Variants in RTN1 observed in about 807,000 individuals in gnomAD.
The protein encoded by RTN1 is reticulon 1.
RTN1 carries 25 observed loss-of-function variants against 65.5 expected under a neutral mutation model. The observed-to-expected ratio is 0.38, with a 90% CI of 0.28 to 0.53. RTN1 has a LOEUF of 0.53. RTN1 is among the 20% of genes least tolerant of loss of function. RTN1 has a pLI of 0.79. For synonymous variants in RTN1, 471 were observed against 447.6 expected (o/e 1.05, Z -0.66); for missense variants, 983 against 1,025.4 (o/e 0.96, Z 0.57).
chr14:59,839,098 T>C (rs1321189603), intron 1 of RTN1, among the ~76,000 whole-genome samples: 2 of 152,230 alleles, frequency 1.3e-5, no homozygotes, highest in Non-Finnish European at 2.9e-5. Context: ...GTTGAAATTC[T>C]TCATTATGAA....
chr14:59,616,488 A>G (rs1163544883), intron 3 of RTN1, among the ~76,000 whole-genome samples: 1 of 152,194 alleles, frequency 6.6e-6, no homozygotes, highest in East Asian at 1.9e-4. Context: ...AATGTTTCAA[A>G]TAGAAGACTA....
In RTN1 at chr14:59,790,581, C is replaced by G. The variant is rs561810242; in HGVS notation, c.242-44100G>C. Among the ~76,000 whole-genome samples the G allele has an allele frequency of 2.0e-4, 31 of 152,224 alleles. No individual in the cohort carries two copies. Among genetic ancestry groups the G allele is most frequent in the African/African-American group, 7.2e-4 (30 of 41,548 alleles). Reference sequence around the variant, plus strand: ...GTGAAAGATGCCTGAAGAATTCATTCTCTGGCGTCAAAGCTTAACCAGAGA... The same window carrying G: ...GTGAAAGATGCCTGAAGAATTCATTGTCTGGCGTCAAAGCTTAACCAGAGA... On this transcript the variant is annotated intron_variant, in intron 1 of 8. Transcript: ENST00000267484. This position sits in a 1 kb window ranked among gnomAD's most constrained non-coding sequence, Gnocchi z 4.1.
At chr14:59,663,292 AG>A (rs764164844) in intron 3 of RTN1, among the ~76,000 whole-genome samples, 1 of 152,196 alleles carries the variant, frequency 6.6e-6, no homozygotes, top group Non-Finnish European at 1.5e-5. Context: ...CTTAAATGTA[AG>A]ACCTAAAACC....
intron 3 of RTN1, among the ~76,000 whole-genome samples, chr14:59,619,929 C>T (rs889704044): frequency 2.0e-5 from 3 of 151,988 alleles, no homozygotes; most frequent in African/African-American, 7.2e-5. Flanking sequence ...GGGACGGAAG[C>T]CTTATCGTAA....
chr14:59,822,844 T>C lies in RTN1; in HGVS notation c.241+47546A>G, dbSNP rs542148231. Among the ~76,000 whole-genome samples, 53 of 152,242 alleles carry C rather than the reference T, an allele frequency of 3.5e-4. 1 individual carries two copies. The South Asian group carries it at 0.011, about 32-fold the overall frequency. ...GATCTTGGTATTTCTATTTTTATTC[T>C]GCTGTGGTCCAAGAGTATGGTTGGT... is the stretch of plus-strand genomic sequence containing the variant. On this transcript the variant is annotated intron_variant, in intron 1 of 8. Transcript: ENST00000267484.
At chr14:59,681,073 T>C (rs1434985910) in intron 3 of RTN1, among the ~76,000 whole-genome samples, 1 of 152,088 alleles carries the variant, frequency 6.6e-6, no homozygotes, top group Non-Finnish European at 1.5e-5. Flanking sequence ...TAATAGTATG[T>C]GTGTGTCTAT....
Position 59,790,026 on chromosome 14 carries a change from C to T in RTN1, c.242-43545G>A, listed in dbSNP as rs1190125502. Among the ~76,000 whole-genome samples, 2 of 151,770 alleles carry T rather than the reference C, an allele frequency of 1.3e-5. No individual in the cohort carries two copies. Among genetic ancestry groups the T allele is most frequent in the South Asian group, 2.1e-4 (1 of 4,806 alleles). ...TCGAATGAGATAAAAAAGGGAAATGCCCGAGCTAAAGCAATGAATCAAGGG... is the reference window on the plus strand; with the variant it reads ...TCGAATGAGATAAAAAAGGGAAATGTCCGAGCTAAAGCAATGAATCAAGGG... On this transcript the variant is annotated intron_variant, in intron 1 of 8. Coordinates refer to ENST00000267484, the MANE Select transcript of RTN1 (RefSeq NM_021136.3). This position sits in a 1 kb window ranked among gnomAD's most constrained non-coding sequence, Gnocchi z 4.1.
intron 3 of RTN1, chr14:59,607,739 C>T (rs1444831749): frequency 3.9e-6 from 2 of 510,612 alleles, no homozygotes; most frequent in Non-Finnish European, 7.1e-6. Context: ...ATTGAATCTC[C>T]ATTGACCATA....
At position 59,603,204 on chromosome 14, in the gene RTN1, G is replaced by A; in HGVS notation, c.2229+8C>T. ...CAATGCCATTTTTTGACATCACATA[G>A]AACTTACCTGGTGCTTAACATACAC... On this transcript the variant is annotated splice_region_variant and intron_variant, in intron 7 of 8. Transcript: ENST00000267484. 1 of 1,612,996 alleles carries A rather than the reference G, an allele frequency of 6.2e-7. No individual in the cohort carries two copies. Among genetic ancestry groups the A allele is most frequent in the Non-Finnish European group, 8.5e-7 (1 of 1,179,504 alleles).
At chr14:59,704,389 T>C (rs1884244312) in intron 3 of RTN1, among the ~76,000 whole-genome samples, 1 of 152,208 alleles carries the variant, frequency 6.6e-6, no homozygotes, top group Non-Finnish European at 1.5e-5. Flanking sequence ...AACTTCTCCT[T>C]ATGTCTTTGT....
Position 59,727,147 on chromosome 14 carries a change from G to A in RTN1, c.1537C>T (p.Arg513Trp), listed in dbSNP as rs752220474. Residue 513 changes from arginine (R) to tryptophan (W), a missense_variant, in exon 3 of 9, where the codon CGG becomes TGG. Arg to Trp is a moderately radical substitution (Grantham distance 101). Transcript: ENST00000267484. This position sits in a 1 kb window ranked among gnomAD's most constrained non-coding sequence, Gnocchi z 4.2. ...GVRAEERAPS[R>W]RGLAEPGSFL... ...GAACCCGGCTCGGCCAGGCCCCGCCGGCTTGGCGCACGCTCCTCGGCCCGG... is the reference window on the plus strand; with the variant it reads ...GAACCCGGCTCGGCCAGGCCCCGCCAGCTTGGCGCACGCTCCTCGGCCCGG... 1 of 1,600,898 alleles carries A rather than the reference G, an allele frequency of 6.2e-7. No individual in the cohort carries two copies. Among genetic ancestry groups the A allele is most frequent in the Non-Finnish European group, 8.5e-7 (1 of 1,173,910 alleles).
intron 1 of RTN1, among the ~76,000 whole-genome samples, chr14:59,795,662 T>C (rs1886426352): frequency 6.6e-6 from 1 of 152,192 alleles, no homozygotes; most frequent in African/African-American, 2.4e-5. Flanking sequence ...CCTCTAGAGT[T>C]TTAAAACAAA....
chr14:59,618,634 A>G (rs1469981913), intron 3 of RTN1, among the ~76,000 whole-genome samples: 1 of 152,202 alleles, frequency 6.6e-6, no homozygotes, highest in Admixed American at 6.5e-5. Flanking sequence ...GGGCAGTTAC[A>G]CTTGTATCTT....
At chr14:59,675,947 C>T (rs1883618018) in intron 3 of RTN1, among the ~76,000 whole-genome samples, 1 of 152,100 alleles carries the variant, frequency 6.6e-6, no homozygotes, top group Non-Finnish European at 1.5e-5. Context: ...TTCAATCCTC[C>T]AAGACAACTC....
At chr14:59,651,170 C>T (rs972721902) in intron 3 of RTN1, among the ~76,000 whole-genome samples, 3 of 151,986 alleles carry the variant, frequency 2.0e-5, no homozygotes, top group African/African-American at 7.3e-5. Flanking sequence ...AAAGCATGGT[C>T]CTGGTACAAA....
In RTN1 at chr14:59,658,848, G is replaced by C. The variant is rs571667248; in HGVS notation, c.1766-51356C>G. ...TCTCCTCCAAAGGATCACAACTCTT[G>C]GCCAGCAAAGGAACAAAACTGGACA... On this transcript the variant is annotated intron_variant, in intron 3 of 8. Coordinates refer to ENST00000267484, the MANE Select transcript of RTN1 (RefSeq NM_021136.3). Among the ~76,000 whole-genome samples, 23 of 152,134 alleles carry C rather than the reference G, an allele frequency of 1.5e-4. No individual in the cohort carries two copies. In the South Asian group the frequency reaches 3.7e-3, roughly 25 times the overall value.
chr14:59,625,516 C>T (rs1485120625), intron 3 of RTN1, among the ~76,000 whole-genome samples: 1 of 152,188 alleles, frequency 6.6e-6, no homozygotes. Flanking sequence ...TTCATGTCCA[C>T]TTCTTCCGTT....
intron 1 of RTN1, among the ~76,000 whole-genome samples, chr14:59,756,790 A>T (rs1326427065): frequency 1.5e-5 from 2 of 130,952 alleles, no homozygotes; most frequent in Admixed American, 7.8e-5. Context: ...CCCCACACAG[A>T]ATTATCTTTT....
At chr14:59,716,585 G>C (rs1027971150) in intron 3 of RTN1, among the ~76,000 whole-genome samples, 7 of 152,096 alleles carry the variant, frequency 4.6e-5, no homozygotes, top group Non-Finnish European at 1.0e-4. Context: ...ACAGTACAGC[G>C]ATGTGAACAT....
Sources: allele counts gnomAD v4.1 joint callset (sites outside exome capture counted in the v4.1 genomes callset), GRCh38; gene constraint gnomAD v4.1.1; non-coding constraint Gnocchi (gnomAD v3.1); transcripts MANE v1.5; gene names NCBI Gene and HGNC (gene_info 2026-07-23, HGNC 2026-07-21).